The following ARRB1 variants were observed in gnomAD, a reference collection of about 807,000 sequenced individuals.
ARRB1 encodes arrestin beta 1.
ARRB1 carries 21 observed loss-of-function variants against 56.8 expected under a neutral mutation model. The ratio of observed to expected loss-of-function variants is 0.37; its 90% CI spans 0.26 to 0.53. The LOEUF (loss-of-function observed/expected upper bound fraction) is 0.53. ARRB1 is among the 20% of genes least tolerant of loss of function. The pLI is 0.88. For missense variants in ARRB1, 424 were observed against 553.7 expected (o/e 0.77, Z 2.35); for synonymous variants, 210 against 218.6 (o/e 0.96, Z 0.35).
chr11:75,283,547 C>T, intron 4 of ARRB1, 64 bp from the exon 5 acceptor site: 2 of 1,468,068 alleles, frequency 1.4e-6, no homozygotes, highest in South Asian at 1.3e-5. Context: ...CCCCAGAGTG[C>T]CGGCAGCAGC....
At chr11:75,273,523 T>A (rs949375331) in intron 11 of ARRB1, among the ~76,000 whole-genome samples, 14 of 151,900 alleles carry the variant, frequency 9.2e-5, no homozygotes, top group Admixed American at 4.6e-4. Flanking sequence ...GTGCTGGGAG[T>A]GGCGGCTGCT....
chr11:75,339,271 C>T (rs1051984552), intron 1 of ARRB1, among the ~76,000 whole-genome samples: 7 of 152,218 alleles, frequency 4.6e-5, no homozygotes, highest in African/African-American at 1.7e-4. Context: ...GGACAGTAGA[C>T]CCTGGTTTCC....
intron 1 of ARRB1, among the ~76,000 whole-genome samples, chr11:75,326,265 G>A (rs189730543): frequency 9.7e-4 from 148 of 152,244 alleles, no homozygotes; most frequent in East Asian, 4.4e-3. Context: ...TTGCAGCTGC[G>A]TCCCCAGAAA....
At chr11:75,291,152 T>C (rs1027135670) in intron 1 of ARRB1, among the ~76,000 whole-genome samples, 1 of 152,024 alleles carries the variant, frequency 6.6e-6, no homozygotes, top group African/African-American at 2.4e-5. Context: ...GCCTAACTAA[T>C]GTGGTGAAAC....
intron 1 of ARRB1, among the ~76,000 whole-genome samples, chr11:75,326,297 C>T (rs540345304): frequency 3.2e-4 from 49 of 152,254 alleles, no homozygotes; most frequent in Non-Finnish European, 6.3e-4. Context: ...CCTGGCACAG[C>T]GTGGGTGTGC....
Position 75,271,880 on chromosome 11 carries a change from C to T in ARRB1, c.999-156G>A, listed in dbSNP as rs2276309. On this transcript the variant is annotated intron_variant, in intron 12 of 15. Transcript: ENST00000420843. ...ACCCCCCTGCACAGCCCTGACTGCT[C>T]TTTCAGGGATACACCGAAATGGCAT... Among the ~76,000 whole-genome samples, 185 of 152,256 alleles carry T rather than the reference C, an allele frequency of 1.2e-3. 3 individuals carry two copies. In the East Asian group the frequency reaches 0.024, roughly 20 times the overall value.
chr11:75,268,510 CAAAAAAAAA>C (rs61409833), intron 14 of ARRB1, among the ~76,000 whole-genome samples: 2 of 61,448 alleles, frequency 3.3e-5, no homozygotes, highest in African/African-American at 1.1e-4. Flanking sequence ...GTCTCAAAAC[CAAAAAAAAA>C]AAAAAAAAAA....
intron 10 of ARRB1, among the ~76,000 whole-genome samples, chr11:75,275,204 T>A (rs1946174949): frequency 6.6e-6 from 1 of 150,846 alleles, no homozygotes; most frequent in Non-Finnish European, 1.5e-5. Flanking sequence ...TAGAGTACAG[T>A]AGTGCGATCC....
At chr11:75,275,123 A>ATTTTTTATTTTAT (rs1946167812) in intron 10 of ARRB1, among the ~76,000 whole-genome samples, 1 of 137,958 alleles carries the variant, frequency 7.2e-6, no homozygotes, top group Non-Finnish European at 1.5e-5. Context: ...TTTAATTTAA[A>ATTTTTTATTTTAT]TTTATTTTAT....
chr11:75,284,902 CAAAATAAAAT>C (rs59336893), intron 3 of ARRB1, among the ~76,000 whole-genome samples: 2 of 150,500 alleles, frequency 1.3e-5, no homozygotes, highest in South Asian at 2.1e-4. Flanking sequence ...GACTCTGTCT[CAAAATAAAAT>C]AAAATAAAAT....
At chr11:75,317,782 G>C (rs1028142444) in intron 1 of ARRB1, among the ~76,000 whole-genome samples, 4 of 152,214 alleles carry the variant, frequency 2.6e-5, no homozygotes, top group Non-Finnish European at 5.9e-5. Flanking sequence ...CAGTGCTCCA[G>C]CAGAGTGAGA....
intron 1 of ARRB1, among the ~76,000 whole-genome samples, chr11:75,318,703 A>G (rs1947301706): frequency 6.6e-6 from 1 of 151,662 alleles, no homozygotes; most frequent in African/African-American, 2.4e-5. Flanking sequence ...AAAAAAAAGC[A>G]AGAGAGATCC....
chr11:75,292,036 G>A (rs1276135561), intron 1 of ARRB1, among the ~76,000 whole-genome samples: 13 of 152,236 alleles, frequency 8.5e-5, no homozygotes. Flanking sequence ...GGGCTGGCAG[G>A]AACCACTGAT....
At chr11:75,328,575 C>T (rs1328848111) in intron 1 of ARRB1, among the ~76,000 whole-genome samples, 1 of 152,222 alleles carries the variant, frequency 6.6e-6, no homozygotes, top group Non-Finnish European at 1.5e-5. Flanking sequence ...AGCCATTCAC[C>T]CATCCCAAGT....
intron 2 of ARRB1, among the ~76,000 whole-genome samples, chr11:75,288,143 G>A (rs1452870463): frequency 6.6e-6 from 1 of 152,092 alleles, no homozygotes; most frequent in African/African-American, 2.4e-5. Flanking sequence ...GATTACAGGC[G>A]TGAGCCACCG....
intron 1 of ARRB1, among the ~76,000 whole-genome samples, chr11:75,307,289 T>C (rs1037563694): frequency 1.3e-5 from 2 of 152,128 alleles, no homozygotes; most frequent in Admixed American, 1.3e-4. Flanking sequence ...TGGGGTTTCT[T>C]GAGTGAGAGG....
chr11:75,266,041 G>A lies in ARRB1; in HGVS notation c.*122C>T, dbSNP rs1022914065. The A allele has an allele frequency of 4.7e-6, 4 of 850,568 alleles. No homozygotes were observed. Among genetic ancestry groups the A allele is most frequent in the African/African-American group, 1.7e-5 (1 of 59,896 alleles). 52.7% of individuals were successfully genotyped at this position (850,568 alleles called of 1,614,324 possible). A position where few individuals can be genotyped will look rare whatever the true frequency, so the allele number is the denominator to read the frequency against. On this transcript the variant is annotated 3_prime_UTR_variant, in exon 16 of 16. Coordinates refer to ENST00000420843, the MANE Select transcript of ARRB1 (RefSeq NM_004041.5). ...TCATCACCGTGATCTGGAAGCCCAC[G>A]GGGCCCCCTGGTAGAAACTGGAAGA...
At chr11:75,286,255 CTTTTTTTTTTTT>C (rs60988072) in intron 3 of ARRB1, among the ~76,000 whole-genome samples, 692 of 38,796 alleles carry the variant, frequency 0.018, 13 homozygotes, top group South Asian at 0.095. Context: ...ATTTGCTCAT[CTTTTTTTTTTTT>C]TTTTTTTTTT....
Position 75,272,830 on chromosome 11 carries a change from G to A in ARRB1, c.998+65C>T, listed in dbSNP as rs1591894890. The A allele has an allele frequency of 3.9e-6, 6 of 1,528,558 alleles. No homozygotes were observed. In the East Asian group the frequency reaches 1.4e-4, roughly 34 times the overall value. The allele number at this position is 1,528,558 out of a possible 1,614,324, so 94.7% of individuals were successfully genotyped here. A position where few individuals can be genotyped will look rare whatever the true frequency, so the allele number is the denominator to read the frequency against. On this transcript the variant is annotated intron_variant, in intron 12 of 15. Transcript: ENST00000420843. Reference sequence around the variant, plus strand: ...TGCAAACAGGCAGAATGGGGCAGGGGCCTGTGGGCACCTGGGACGCTCCCC... The same window carrying A: ...TGCAAACAGGCAGAATGGGGCAGGGACCTGTGGGCACCTGGGACGCTCCCC...
Sources: allele counts gnomAD v4.1 joint callset (sites outside exome capture counted in the v4.1 genomes callset), GRCh38; gene constraint gnomAD v4.1.1; transcripts MANE v1.5; gene names NCBI Gene and HGNC (gene_info 2026-07-23, HGNC 2026-07-21).